The following ZSCAN5B variants were observed in gnomAD, a reference collection of about 807,000 sequenced individuals.
ZSCAN5B encodes zinc finger and SCAN domain-containing protein 5B.
Under a neutral mutation model 25.2 loss-of-function variants are expected in ZSCAN5B, and 26 were observed. That is an observed-to-expected ratio of 1.03 (90% CI 0.76 to 1.43). The LOEUF is 1.43. Ranked by LOEUF, ZSCAN5B falls within the 40% of genes most tolerant of loss-of-function variation. The pLI, the probability that ZSCAN5B is intolerant of heterozygous loss-of-function variation, is 0.00. For missense variants in ZSCAN5B, 745 were observed against 622.1 expected (o/e 1.20, Z -2.10); for synonymous variants, 244 against 240.9 (o/e 1.01, Z -0.12).
intron 2 of ZSCAN5B, among the ~76,000 whole-genome samples, chr19:56,192,347 C>T (rs1319076989): frequency 6.6e-6 from 1 of 152,162 alleles, no homozygotes; most frequent in Non-Finnish European, 1.5e-5. Flanking sequence ...TGTGTTAGAA[C>T]TTAGGGGCTC....
chr19:56,196,869 C>T (rs368678892), intron 1 of ZSCAN5B, among the ~76,000 whole-genome samples: 2 of 152,198 alleles, frequency 1.3e-5, no homozygotes, highest in African/African-American at 4.8e-5. Flanking sequence ...CGCCAGGTTC[C>T]CTAAGCGCCC....
rs1248418139 is a variant in ZSCAN5B at position 56,192,680 on chromosome 19, G to A, written c.373C>T (p.Pro125Ser). ...AGGTTCCCACTCACCCATTTCTTGG[G>A]TCTTCTGTTATTTCGTAGCAGGTCC... Residue 125 changes from proline to serine, a missense_variant, in exon 2 of 5, where the codon CCC (proline) becomes TCC (serine). Pro to Ser is a moderately conservative substitution (Grantham distance 74). Transcript: ENST00000586855. 2 of 1,591,848 alleles carry A rather than the reference G, an allele frequency of 1.3e-6. No homozygotes were observed. Among genetic ancestry groups the A allele is most frequent in the Non-Finnish European group, 1.7e-6 (2 of 1,166,772 alleles).
At chr19:56,196,256 A>T (rs9973246) in intron 1 of ZSCAN5B, among the ~76,000 whole-genome samples, 105,701 of 151,860 alleles carry the variant, frequency 0.7, 36,934 homozygotes, top group Middle Eastern at 0.81. Context: ...CTCGCCATGT[A>T]GGCCAGGCTG....
At position 56,190,165 on chromosome 19, in the gene ZSCAN5B, GA is replaced by G. The variant is rs2032707334; in HGVS notation, c.1149del (p.Gln384AsnfsTer71). The G allele has an allele frequency of 6.2e-7, 1 of 1,613,938 alleles. No homozygotes were observed. Among genetic ancestry groups the G allele is most frequent in the African/African-American group, 1.3e-5 (1 of 74,932 alleles). Reference sequence around the variant, plus strand: ...AAGCGCTTCCGACAGAGATCACATTGAAAGGGTCTGTCTCCTGTGTGTGACC... The same window carrying G: ...AAGCGCTTCCGACAGAGATCACATTGAAGGGTCTGTCTCCTGTGTGTGACC... On this transcript the variant is annotated frameshift_variant, in exon 5 of 5. Coordinates refer to ENST00000586855, the Ensembl canonical transcript of ZSCAN5B. LOFTEE classifies it low-confidence loss of function (END_TRUNC).
At chr19:56,195,966 C>G (rs1434018127) in intron 1 of ZSCAN5B, among the ~76,000 whole-genome samples, 1 of 152,168 alleles carries the variant, frequency 6.6e-6, no homozygotes, top group Non-Finnish European at 1.5e-5. Flanking sequence ...TCCAAGTGAT[C>G]CTCCTGCCTC....
chr19:56,192,049 A>G (rs2032744229), exon 3 of ZSCAN5B: 1 of 1,610,894 alleles, frequency 6.2e-7, no homozygotes, highest in East Asian at 2.2e-5. Context: ...CAAGTTGACT[A>G]TAGACTGTAG....
chr19:56,196,770 T>G (rs1023930477), intron 1 of ZSCAN5B, among the ~76,000 whole-genome samples: 1 of 152,128 alleles, frequency 6.6e-6, no homozygotes, highest in Admixed American at 6.5e-5. Context: ...CTCGTTTTGT[T>G]TATTTATTAA....
At chr19:56,190,487 C>T (rs1340950143) in exon 5 of ZSCAN5B, 1 of 1,614,016 alleles carries the variant, frequency 6.2e-7, no homozygotes, top group South Asian at 1.1e-5. Flanking sequence ...CTTCTCTCTC[C>T]ACAACGCAGG....
exon 3 of ZSCAN5B, chr19:56,191,902 G>T (rs199497935): frequency 6.2e-7 from 1 of 1,613,848 alleles, no homozygotes; most frequent in Non-Finnish European, 8.5e-7. Context: ...CTCTCGGCGG[G>T]CCTGGCCTGT....
At chr19:56,193,220 A>G (rs1440760763) in intron 1 of ZSCAN5B, 41 bp from the exon 2 acceptor site, 4 of 744,666 alleles carry the variant, frequency 5.4e-6, no homozygotes, top group Non-Finnish European at 6.1e-6. Flanking sequence ...TTAACTTTCT[A>G]CTCCACACAC....
At chr19:56,197,660 A>T (rs1240829839) in intron 1 of ZSCAN5B, 74 bp downstream of exon 1, 14 of 862,440 alleles carry the variant, frequency 1.6e-5, no homozygotes, top group Non-Finnish European at 1.8e-5. Flanking sequence ...TGAGAAAATA[A>T]ACCCAAACTT....
At chr19:56,190,042 T>C in exon 5 of ZSCAN5B, 3 of 1,613,786 alleles carry the variant, frequency 1.9e-6, no homozygotes, top group Non-Finnish European at 2.5e-6. Context: ...CCCTGTAAGG[T>C]GGACTCGTGG....
exon 5 of ZSCAN5B, chr19:56,189,689 T>C: frequency 2.8e-6 from 3 of 1,058,316 alleles, no homozygotes; most frequent in South Asian, 1.9e-5. Flanking sequence ...ACAAAACTCA[T>C]GGGGGAGGAT....
chr19:56,190,013 G>C (rs767966946), exon 5 of ZSCAN5B: 4 of 1,613,826 alleles, frequency 2.5e-6, no homozygotes, highest in African/African-American at 2.7e-5. Context: ...GCCTCTCCCC[G>C]GTGTGGATCC....
chr19:56,189,984 C>T (rs1371497905), exon 5 of ZSCAN5B: 16 of 1,613,990 alleles, frequency 9.9e-6, no homozygotes, highest in Non-Finnish European at 1.4e-5. Flanking sequence ...AACTTTGCTG[C>T]AGTATTTACA....
intron 1 of ZSCAN5B, among the ~76,000 whole-genome samples, 160 bp from the exon 2 acceptor site, chr19:56,193,339 T>G (rs2032765926): frequency 6.6e-6 from 1 of 152,144 alleles, no homozygotes; most frequent in South Asian, 2.1e-4. Flanking sequence ...CTACATGTTC[T>G]GGGGTAAAAT....
exon 5 of ZSCAN5B, chr19:56,190,354 T>G: frequency 6.2e-7 from 1 of 1,614,172 alleles, no homozygotes; most frequent in Non-Finnish European, 8.5e-7. Flanking sequence ...GGGGATTCTC[T>G]GTTGCCCACA....
At chr19:56,194,681 A>G (rs540490284) in intron 1 of ZSCAN5B, among the ~76,000 whole-genome samples, 3 of 152,200 alleles carry the variant, frequency 2.0e-5, no homozygotes, top group Admixed American at 2.0e-4. Flanking sequence ...GCAGTGGTGC[A>G]ATCTCAGCTC....
At chr19:56,196,214 G>A (rs1461632508) in intron 1 of ZSCAN5B, among the ~76,000 whole-genome samples, 1 of 151,956 alleles carries the variant, frequency 6.6e-6, no homozygotes, top group African/African-American at 2.4e-5. Context: ...ACCCCTCTCG[G>A]CTAAATTTTG....
Sources: gnomAD v4.1 joint callset for allele counts (sites outside exome capture counted in the v4.1 genomes callset) on GRCh38, gnomAD v4.1.1 for gene constraint, MANE v1.5 for transcripts, NCBI Gene and HGNC (gene_info 2026-07-23, HGNC 2026-07-21) for gene names.